Variants in RNF150 observed in about 807,000 individuals in gnomAD.
RNF150 encodes the protein ring finger protein 150.
A neutral mutation model predicts 39.3 loss-of-function variants in RNF150; 24 were observed. The ratio of observed to expected loss-of-function variants is 0.61; its 90% CI spans 0.44 to 0.86. The LOEUF (loss-of-function observed/expected upper bound fraction) is 0.86. RNF150 is among the 40% of genes least tolerant of loss of function. The probability of loss-of-function intolerance (pLI) is 0.00; values close to 1 mark genes in which losing one functional copy is unlikely to be tolerated. For missense variants in RNF150, 502 were observed against 587.8 expected (o/e 0.85, Z 1.51); for synonymous variants, 255 against 227.3 (o/e 1.12, Z -1.10).
chr4:140,996,286 T>G (rs1283615282), intron 1 of RNF150, among the ~76,000 whole-genome samples: 2 of 152,226 alleles, frequency 1.3e-5, no homozygotes, highest in African/African-American at 4.8e-5. Context: ...TTTTAAGAAA[T>G]GTCTACTCAG....
At position 141,166,399 on chromosome 4, in the gene RNF150, G is replaced by T. The variant is rs1200955819; in HGVS notation, c.-6+46395C>A. ...AAGAGGAGCTAGTATCATTCTTTTG[G>T]AAACTATTCCAAACAATGGGAAAAG... On this transcript the variant is annotated intron_variant, in intron 1 of 7. Coordinates refer to the RNF150 transcript ENST00000420921. Among the ~76,000 whole-genome samples, 3 of 152,128 alleles carry T rather than the reference G, an allele frequency of 2.0e-5. No homozygotes were observed. In the East Asian group the frequency reaches 5.8e-4, roughly 29 times the overall value.
chr4:141,151,011 A>G (rs548817418), intron 1 of RNF150, among the ~76,000 whole-genome samples: 10 of 152,244 alleles, frequency 6.6e-5, no homozygotes, highest in African/African-American at 2.4e-4. Context: ...AGCTCACTGC[A>G]GCCTCAGACT....
intron 1 of RNF150, among the ~76,000 whole-genome samples, chr4:141,171,762 G>A (rs1227755601): frequency 6.6e-6 from 1 of 152,104 alleles, no homozygotes; most frequent in Non-Finnish European, 1.5e-5. Flanking sequence ...GTTGACATAG[G>A]TTTTATTTTG....
chr4:141,151,125 T>C (rs1314148548), intron 1 of RNF150, among the ~76,000 whole-genome samples: 1 of 151,980 alleles, frequency 6.6e-6, no homozygotes, highest in African/African-American at 2.4e-5. Flanking sequence ...TATTTTTTTG[T>C]AGAGGATGGG....
chr4:140,973,918 C>T (rs966428469), intron 1 of RNF150, among the ~76,000 whole-genome samples: 4 of 149,158 alleles, frequency 2.7e-5, no homozygotes, highest in East Asian at 2.0e-4. Context: ...AAACAGTACA[C>T]GGAGGTCCTA....
At chr4:140,911,067 A>T in intron 6 of RNF150, 77 bp downstream of exon 6, 5 of 1,176,176 alleles carry the variant, frequency 4.3e-6, no homozygotes, top group Admixed American at 2.0e-5. Flanking sequence ...TTTCTTTTTG[A>T]GGAAAGGTAT....
rs1189374309 is a variant in RNF150 at position 140,865,468 on chromosome 4, T to C, written c.*2793A>G. 2.0e-5 allele frequency: 3 copies of C among 152,544 alleles called. No homozygotes were observed. Among genetic ancestry groups the C allele is most frequent in the African/African-American group, 7.2e-5 (3 of 41,392 alleles). The allele number at this position is 152,544 out of a possible 1,614,324, so 9.4% of individuals were successfully genotyped here. A position where few individuals can be genotyped will look rare whatever the true frequency, so the allele number is the denominator to read the frequency against. ...ACCAGGTCTCCAGGTCAGTCTCTTCTTTGGGGGAGGTAAAGAAGGCTATAA... is the reference window on the plus strand; with the variant it reads ...ACCAGGTCTCCAGGTCAGTCTCTTCCTTGGGGGAGGTAAAGAAGGCTATAA... On this transcript the variant is annotated 3_prime_UTR_variant, in exon 7 of 7. Coordinates refer to ENST00000515673, the MANE Select transcript of RNF150 (RefSeq NM_020724.2).
chr4:141,174,134 T>C (rs1727771652), intron 1 of RNF150, among the ~76,000 whole-genome samples: 1 of 152,242 alleles, frequency 6.6e-6, no homozygotes, highest in African/African-American at 2.4e-5. Context: ...CAAAATAAAG[T>C]TACATTTCCT....
chr4:141,176,562 A>G (rs985773807), intron 1 of RNF150, among the ~76,000 whole-genome samples: 2 of 152,292 alleles, frequency 1.3e-5, no homozygotes, highest in Non-Finnish European at 2.9e-5. Flanking sequence ...GATGAAAAAC[A>G]CCCTTCACCA....
rs537212334 is a variant in RNF150 at position 140,889,647 on chromosome 4, C to T, written c.1199-21268G>A. Among the ~76,000 whole-genome samples the T allele has an allele frequency of 5.9e-5, 9 of 152,198 alleles. No homozygotes were observed. The South Asian group carries it at 1.0e-3, about 18-fold the overall frequency. ...GGGAATAATATAGTAAACCAAACTG[C>T]GGTGTCTCCATCACTAAGTGTCAAT... is the stretch of plus-strand genomic sequence containing the variant. On this transcript the variant is annotated intron_variant, in intron 6 of 6. Transcript: ENST00000515673.
chr4:141,116,079 T>A (rs1489658291), intron 1 of RNF150, among the ~76,000 whole-genome samples: 1 of 152,160 alleles, frequency 6.6e-6, no homozygotes, highest in Admixed American at 6.6e-5. Flanking sequence ...GACATAGGCA[T>A]GGGCAAAGAC....
intron 1 of RNF150, among the ~76,000 whole-genome samples, chr4:141,075,948 T>A (rs1432182675): frequency 1.3e-5 from 2 of 152,056 alleles, no homozygotes; most frequent in African/African-American, 2.4e-5. Context: ...ACTAGTGAAA[T>A]AAAATAAAAA....
intron 1 of RNF150, among the ~76,000 whole-genome samples, chr4:141,207,632 C>T (rs1225024518): frequency 6.6e-6 from 1 of 152,138 alleles, no homozygotes; most frequent in African/African-American, 2.4e-5. Flanking sequence ...GAACGCAGCC[C>T]TCCTGACATC....
intron 1 of RNF150, among the ~76,000 whole-genome samples, chr4:141,028,524 G>C (rs1387413359): frequency 6.6e-6 from 1 of 152,156 alleles, no homozygotes; most frequent in Non-Finnish European, 1.5e-5. Flanking sequence ...CCAGCTTTAT[G>C]CCTCTTAGAC....
chr4:141,132,341 G>T lies in RNF150; in HGVS notation c.468C>A (p.Ile156=). 1.3e-6 allele frequency: 2 copies of T among 1,584,146 alleles called. No homozygotes were observed. Among genetic ancestry groups the T allele is most frequent in the Non-Finnish European group, 1.7e-6 (2 of 1,165,274 alleles). Residue 156 remains isoleucine, a synonymous_variant, in exon 1 of 7, where the codon ATC becomes ATA. Coordinates refer to ENST00000515673, the MANE Select transcript of RNF150 (RefSeq NM_020724.2). This position sits in a 1 kb window ranked among gnomAD's most constrained non-coding sequence, Gnocchi z 4.9. The stretch of plus-strand genomic sequence containing the variant: ...GCCACTCACCCGCGTGGGGCATGGT[G>T]ATGGTCTCGTTGGTGTTGGAGCCCA... The part of the protein sequence containing the change: ...FNVGSNTNET[I]TMPHAGVEDI...
chr4:141,118,784 A>G (rs1338392155), intron 1 of RNF150, among the ~76,000 whole-genome samples: 1 of 152,078 alleles, frequency 6.6e-6, no homozygotes. Context: ...TTTTTGAGAC[A>G]GAGTCTCACT....
chr4:140,872,729 C>T lies in RNF150; in HGVS notation c.1199-4350G>A, dbSNP rs1027364838. Among the ~76,000 whole-genome samples the T allele has an allele frequency of 5.3e-5, 8 of 152,092 alleles. 1 individual carries two copies. The South Asian group carries it at 1.7e-3, about 32-fold the overall frequency. ...CCATGTTTTTCGAGCAATACAGATG[C>T]CATTTATTGAGCCAGAGAAACTGGA... On this transcript the variant is annotated intron_variant, in intron 6 of 6. Coordinates refer to ENST00000515673, the MANE Select transcript of RNF150 (RefSeq NM_020724.2).
At chr4:140,943,984 T>C (rs1383052677) in intron 4 of RNF150, among the ~76,000 whole-genome samples, 1 of 152,160 alleles carries the variant, frequency 6.6e-6, no homozygotes, top group Non-Finnish European at 1.5e-5. Flanking sequence ...TTTAAAACAA[T>C]GGCAAATAAG....
In RNF150 at chr4:140,865,700, C is replaced by T. The variant is rs1342180357; in HGVS notation, c.*2561G>A. 1 of 152,554 alleles carries T rather than the reference C, an allele frequency of 6.6e-6. No individual in the cohort carries two copies. Among genetic ancestry groups the T allele is most frequent in the Admixed American group, 6.6e-5 (1 of 15,260 alleles). 9.5% of individuals were successfully genotyped at this position (152,554 alleles called of 1,614,324 possible). A position where few individuals can be genotyped will look rare whatever the true frequency, so the allele number is the denominator to read the frequency against. On this transcript the variant is annotated 3_prime_UTR_variant, in exon 7 of 7. Transcript: ENST00000515673. ...GCCAGCCTCGGGTTGGCCTTTCAGACCCCTCATCGTCTATGAGGCATCCTG... is the reference window on the plus strand; with the variant it reads ...GCCAGCCTCGGGTTGGCCTTTCAGATCCCTCATCGTCTATGAGGCATCCTG...
Sources: gnomAD v4.1 joint callset for allele counts (sites outside exome capture counted in the v4.1 genomes callset) on GRCh38, gnomAD v4.1.1 for gene constraint, Gnocchi (gnomAD v3.1) non-coding constraint, MANE v1.5 for transcripts, NCBI Gene and HGNC (gene_info 2026-07-23, HGNC 2026-07-21) for gene names.